Variants in APOH observed in about 807,000 individuals in gnomAD.
The protein encoded by APOH is apolipoprotein H, also known as beta-2-glycoprotein 1.
Under a neutral mutation model 39.8 loss-of-function variants are expected in APOH, and 48 were observed. That is an observed-to-expected ratio of 1.21 (90% confidence interval 0.96 to 1.54). The LOEUF is 1.54. Among genes scored for constraint, APOH ranks in the 40% most tolerant of loss-of-function variants. APOH has a pLI of 0.00. For missense variants in APOH, 415 were observed against 421.2 expected (o/e 0.99, Z 0.13); for synonymous variants, 153 against 151.1 (o/e 1.01, Z -0.09).
chr17:66,224,018 A>T (rs1400968380), intron 3 of APOH, among the ~76,000 whole-genome samples: 1 of 152,168 alleles, frequency 6.6e-6, no homozygotes, highest in Non-Finnish European at 1.5e-5. Flanking sequence ...TAAATCCCTC[A>T]TCTTTAAAGA....
chr17:66,213,414 G>A (rs1402223242), intron 7 of APOH, among the ~76,000 whole-genome samples: 1 of 152,134 alleles, frequency 6.6e-6, no homozygotes, highest in Non-Finnish European at 1.5e-5. Context: ...CAAACTCTAC[G>A]AATTGCTTGA....
intron 6 of APOH, 61 bp downstream of exon 6, chr17:66,216,727 G>C: frequency 1.4e-6 from 2 of 1,455,148 alleles, no homozygotes; most frequent in Non-Finnish European, 1.8e-6. Context: ...AAAATAGCAA[G>C]TAAAGGTGAT....
At chr17:66,217,460 G>A (rs1028554862) in intron 5 of APOH, among the ~76,000 whole-genome samples, 1 of 151,000 alleles carries the variant, frequency 6.6e-6, no homozygotes, top group Non-Finnish European at 1.5e-5. Flanking sequence ...AAGAAAAATG[G>A]TGCTGCTTCC....
Position 66,216,795 on chromosome 17 carries a change from A to G in APOH, c.777T>C (p.Ser259=), listed in dbSNP as rs777725415. ...TCGCCTATATTTCCATACCTTTACA[A>G]CTTGGCATGGCAGACCAGTTTCCCA... is the stretch of plus-strand genomic sequence containing the variant. ...TKLGNWSAMP[S]CKASCKVPVK... is the part of the protein sequence containing the mutation. The change falls in exon 6 of 8, where the codon AGT becomes AGC. Residue 259 remains serine, a synonymous_variant. Transcript: ENST00000205948. The G allele has an allele frequency of 1.3e-6, 2 of 1,598,826 alleles. No individual in the cohort carries two copies. The highest frequency in any genetic ancestry group is 2.7e-5 in the African/African-American group (2 of 74,292).
rs772408665 is a variant in APOH at position 66,220,746 on chromosome 17, G to A, written c.416-4C>T. ...GATGGTGGAGGGCAGATGATGGCTGGGAAAATAAAGAACTATCATTTCTAT... is the reference window on the plus strand; with the variant it reads ...GATGGTGGAGGGCAGATGATGGCTGAGAAAATAAAGAACTATCATTTCTAT... On this transcript the variant is annotated splice_polypyrimidine_tract_variant and splice_region_variant and intron_variant, in intron 4 of 7. Transcript: ENST00000205948. 1.3e-6 allele frequency: 2 copies of A among 1,598,628 alleles called. No individual in the cohort carries two copies. The highest frequency in any genetic ancestry group is 1.1e-5 in the South Asian group (1 of 89,648).
In APOH at chr17:66,214,443, G is replaced by T. The variant is rs767780009; in HGVS notation, c.982+10C>A. On this transcript the variant is annotated intron_variant, in intron 7 of 7. Coordinates refer to ENST00000205948, the MANE Select transcript of APOH (RefSeq NM_000042.3). ...GGGAGTCCTAGCTAAACGTTCCAAT[G>T]CAGACTTACCCTTGAAGCATTTGGG... The T allele has an allele frequency of 6.2e-7, 1 of 1,611,996 alleles. No homozygotes were observed. The highest frequency in any genetic ancestry group is 2.2e-5 in the East Asian group (1 of 44,868).
chr17:66,224,445 G>C (rs2073421759), intron 3 of APOH, among the ~76,000 whole-genome samples: 1 of 105,996 alleles, frequency 9.4e-6, no homozygotes, highest in Non-Finnish European at 1.7e-5. Flanking sequence ...CTGCACTCTA[G>C]ACTGAGCAAC....
At chr17:66,229,086 G>A (rs1421224827) in intron 1 of APOH, among the ~76,000 whole-genome samples, 1 of 151,932 alleles carries the variant, frequency 6.6e-6, no homozygotes, top group Non-Finnish European at 1.5e-5. Flanking sequence ...GCCCACCTCG[G>A]CCATGATGCC....
At chr17:66,218,971 C>G (rs8178852) in intron 5 of APOH, among the ~76,000 whole-genome samples, 73,306 of 151,838 alleles carry the variant, frequency 0.48, 19,680 homozygotes, top group East Asian at 0.85. Flanking sequence ...AATTGCACCA[C>G]TGCACTCCAG....
chr17:66,212,202 A>G lies in APOH; in HGVS notation c.983-14T>C. On this transcript the variant is annotated splice_polypyrimidine_tract_variant and intron_variant, in intron 7 of 7. Transcript: ENST00000205948. ...GAGAACTGTGTTCTGTTGGGGGAGAAAAAGATAAACATTCTAAGAGAAACA... is the reference window on the plus strand; with the variant it reads ...GAGAACTGTGTTCTGTTGGGGGAGAGAAAGATAAACATTCTAAGAGAAACA... 6.2e-7 allele frequency: 1 copy of G among 1,609,890 alleles called. No homozygotes were observed. Among genetic ancestry groups the G allele is most frequent in the Middle Eastern group, 1.7e-4 (1 of 6,052 alleles).
intron 7 of APOH, among the ~76,000 whole-genome samples, chr17:66,213,481 A>G (rs2073347185): frequency 6.6e-6 from 1 of 152,210 alleles, no homozygotes; most frequent in Non-Finnish European, 1.5e-5. Flanking sequence ...TTGTTTTGTC[A>G]CTTGGGGTGA....
chr17:66,228,112 G>C lies in APOH; in HGVS notation c.149C>G (p.Ser50Cys). 6.2e-7 allele frequency: 1 copy of C among 1,614,198 alleles called. No homozygotes were observed. The highest frequency in any genetic ancestry group is 8.5e-7 in the Non-Finnish European group (1 of 1,180,028). The change falls in exon 2 of 8, where the codon TCC (serine) becomes TGC (cysteine). Residue 50 changes from serine to cysteine, a missense_variant. Transcript: ENST00000205948. ...FYEPGEEITY[S>C]CKPGYVSRGG... ...TCGGGACACATAGCCCGGCTTGCAG[G>C]AATACGTAATCTCTTCTCCTGGCTC...
chr17:66,221,113 A>G (rs1368482114), intron 4 of APOH, among the ~76,000 whole-genome samples: 1 of 151,764 alleles, frequency 6.6e-6, no homozygotes, highest in African/African-American at 2.4e-5. Flanking sequence ...GAATCGCTTG[A>G]ACCTGGGAGG....
At chr17:66,223,641 T>A in intron 4 of APOH, 57 bp downstream of exon 4, 1 of 1,471,052 alleles carries the variant, frequency 6.8e-7, no homozygotes, top group Non-Finnish European at 9.5e-7. Context: ...AGACTTTGAG[T>A]GCTAAAACCA....
rs1598553131 is a variant in APOH at position 66,223,777 on chromosome 17, G to T, written c.339-3C>A. 1 of 1,613,738 alleles carries T rather than the reference G, an allele frequency of 6.2e-7. No individual in the cohort carries two copies. Among genetic ancestry groups the T allele is most frequent in the Admixed American group, 1.7e-5 (1 of 59,946 alleles). On this transcript the variant is annotated splice_polypyrimidine_tract_variant and splice_region_variant and intron_variant, in intron 3 of 7. Transcript: ENST00000205948. ...AATCAGCGCCATTCAGATAAAACCT[G>T]CAAAAGGAAAATTCATTCTATCAAG...
intron 3 of APOH, among the ~76,000 whole-genome samples, chr17:66,224,607 GAAAA>G (rs1194293165): frequency 5.3e-5 from 7 of 131,740 alleles, no homozygotes; most frequent in Non-Finnish European, 9.3e-5. Flanking sequence ...AAGAAAGAAA[GAAAA>G]AGAAAGAAAG....
At chr17:66,228,217 G>A in intron 1 of APOH, 21 bp from the exon 2 acceptor site, 1 of 1,600,198 alleles carries the variant, frequency 6.2e-7, no homozygotes, top group Non-Finnish European at 8.5e-7. Flanking sequence ...GCACAAAGCA[G>A]ATGGTTAACA....
rs761177081 is a variant in APOH at position 66,216,846 on chromosome 17, G to A, written c.726C>T (p.Gly242=). The change falls in exon 6 of 8, where the codon GGC becomes GGT. Residue 242 remains glycine (G), a synonymous_variant. Transcript: ENST00000205948. ...FGCHDGYSLD[G]PEEIECTKLG... is the part of the protein sequence containing the mutation. The stretch of plus-strand genomic sequence containing the variant: ...GTTTGGTACATTCTATTTCTTCCGG[G>A]CCATCCAGAGAATATCCATCATGGC... 6.2e-7 allele frequency: 1 copy of A among 1,611,934 alleles called. No individual in the cohort carries two copies. The highest frequency in any genetic ancestry group is 2.2e-5 in the East Asian group (1 of 44,748).
At chr17:66,223,031 G>A (rs954129441) in intron 4 of APOH, among the ~76,000 whole-genome samples, 1 of 152,210 alleles carries the variant, frequency 6.6e-6, no homozygotes, top group African/African-American at 2.4e-5. Flanking sequence ...GACTCTGACA[G>A]CTTGGCTGAG....
Sources: allele counts gnomAD v4.1 joint callset (sites outside exome capture counted in the v4.1 genomes callset), GRCh38; gene constraint gnomAD v4.1.1; transcripts MANE v1.5; gene names NCBI Gene and HGNC (gene_info 2026-07-23, HGNC 2026-07-21).